The following TMEM67 variants were observed in gnomAD, a reference collection of about 807,000 sequenced individuals.
TMEM67 encodes transmembrane protein 67, also known as meckelin.
A neutral mutation model predicts 136.6 loss-of-function variants in TMEM67; 124 were observed. The observed-to-expected ratio is 0.91, with a 90% CI of 0.78 to 1.05. The LOEUF (loss-of-function observed/expected upper bound fraction) is 1.05, where lower values mean the gene tolerates loss of function less well. TMEM67 is among the 50% of genes least tolerant of loss of function. The pLI, the probability that TMEM67 is intolerant of heterozygous loss-of-function variation, is 0.00. For synonymous variants in TMEM67, 364 were observed against 390.5 expected (o/e 0.93, Z 0.80); for missense variants, 1,107 against 1,178.4 (o/e 0.94, Z 0.89).
intron 1 of TMEM67, among the ~76,000 whole-genome samples, chr8:93,755,339 T>C: frequency 6.6e-6 from 1 of 152,228 alleles, no homozygotes; most frequent in East Asian, 1.9e-4. Flanking sequence ...GTATATTGTT[T>C]AGTGACGTAG....
chr8:93,779,147 G>T (rs897760961), intron 7 of TMEM67, among the ~76,000 whole-genome samples: 3 of 151,956 alleles, frequency 2.0e-5, no homozygotes, highest in African/African-American at 7.3e-5. Flanking sequence ...TGACCAAATC[G>T]GCTACTGAAG....
chr8:93,809,963 C>CTT, intron 26 of TMEM67, 76 bp downstream of exon 26: 1 of 746,490 alleles, frequency 1.3e-6, no homozygotes, highest in South Asian at 2.0e-5. Flanking sequence ...AGATATTTTT[C>CTT]TTTTTTTCTT....
rs2130690833 is a variant in TMEM67, at chr8:93,786,265, TAGTGGATGCAGTA to T, written c.1338_1350del (p.Ala447GlufsTer5). 2 of 1,614,066 alleles carry T rather than the reference TAGTGGATGCAGTA, an allele frequency of 1.2e-6. No individual in the cohort carries two copies. Among genetic ancestry groups the T allele is most frequent in the Middle Eastern group, 1.6e-4 (1 of 6,062 alleles). On this transcript the variant is annotated frameshift_variant, in exon 13 of 28. Coordinates refer to ENST00000453321, the MANE Select transcript of TMEM67 (RefSeq NM_153704.6). LOFTEE classifies it high-confidence loss of function. ...TGGCTTCTAACTCGGCGCATTTTCT[TAGTGGATGCAGTA>T]AGTGGACGAGAAAATGACTTAGGAA... is the stretch of plus-strand genomic sequence containing the variant.
chr8:93,783,613 G>A (rs192494262), intron 11 of TMEM67, among the ~76,000 whole-genome samples: 120 of 152,112 alleles, frequency 7.9e-4, no homozygotes, highest in Non-Finnish European at 1.1e-3. Flanking sequence ...GTATTAGTCC[G>A]TTCTCACGCT....
intron 26 of TMEM67, 84 bp downstream of exon 26, chr8:93,809,971 CTTT>C (rs375597348): frequency 5.0e-3 from 2,888 of 582,244 alleles, no homozygotes; most frequent in East Asian, 6.4e-3. Flanking sequence ...TTCTTTTTTT[CTTT>C]TTTTTTTTTT....
chr8:93,799,743 C>A lies in TMEM67; in HGVS notation c.2226C>A (p.Ala742=). 6.2e-7 allele frequency: 1 copy of A among 1,613,550 alleles called. No individual in the cohort carries two copies. Among genetic ancestry groups the A allele is most frequent in the Non-Finnish European group, 8.5e-7 (1 of 1,179,682 alleles). ...CAGTGTCTGCTGCTCTTTGGCTAGCCATTGGAATTATACAGGTAAGGAATT... is the reference window on the plus strand; with the variant it reads ...CAGTGTCTGCTGCTCTTTGGCTAGCAATTGGAATTATACAGGTAAGGAATT... ...RYAVSAALWL[A]IGIIQVVFFA... The change falls in exon 21 of 28, where the codon GCC becomes GCA. Residue 742 remains alanine (A), a synonymous_variant. Transcript: ENST00000453321.
chr8:93,775,915 T>C (rs1022283617), intron 7 of TMEM67, among the ~76,000 whole-genome samples: 1 of 152,218 alleles, frequency 6.6e-6, no homozygotes, highest in Admixed American at 6.5e-5. Flanking sequence ...TTGATGGGGA[T>C]GGCATTGAAT....
rs184632089 is a variant in TMEM67, at chr8:93,793,284, G to A, written c.1662G>A (p.Met554Ile). The change falls in exon 16 of 28, where the codon ATG becomes ATA. Residue 554 changes from methionine to isoleucine, a missense_variant. Met to Ile is a conservative substitution (Grantham distance 10, BLOSUM62 1). Around this residue, in one of 3 missense-constraint regions of TMEM67, gnomAD observed 925 missense variants for 1,002.4 expected, o/e 0.92. Transcript: ENST00000453321. ...GGAAGAGGCGCATTGGGAGTCCCAT[G>A]ATTGATTTACAGGTATAATCTCAGG... ...AGWKRRIGSP[M>I]IDLQTVVKFL... 4.3e-6 allele frequency: 7 copies of A among 1,613,486 alleles called. No individual in the cohort carries two copies. In the Admixed American group the frequency reaches 1.2e-4, roughly 27 times the overall value.
Position 93,795,976 on chromosome 8 carries a change from T to C in TMEM67, c.1849T>C (p.Phe617Leu), listed in dbSNP as rs1814598026. 6.2e-7 allele frequency: 1 copy of C among 1,612,568 alleles called. No homozygotes were observed. The highest frequency in any genetic ancestry group is 8.5e-7 in the Non-Finnish European group (1 of 1,178,624). ...TTTTGTCACTTATGTTGGATGTGCC[T>C]TTGCTCTGAAGGTAAGTTTTAAAGG... Reference protein sequence around the residue: ...ERFVTYVGCAFALKALQFLHK... With the variant: ...ERFVTYVGCALALKALQFLHK... Residue 617 changes from phenylalanine to leucine, a missense_variant, in exon 18 of 28, where the codon TTT becomes CTT. Physicochemically the swap from Phe to Leu is conservative, Grantham distance 22. This residue lies in a region of TMEM67 where 925 missense variants were observed against 1,002.4 expected (regional missense o/e 0.92). Transcript: ENST00000453321.
intron 22 of TMEM67, among the ~76,000 whole-genome samples, 179 bp downstream of exon 22, chr8:93,803,863 GTTTTTTCA>G (rs1416433241): frequency 6.6e-6 from 1 of 150,984 alleles, no homozygotes; most frequent in Non-Finnish European, 1.5e-5. Flanking sequence ...AACTGCCTTA[GTTTTTTCA>G]TTTTTTCATT....
intron 12 of TMEM67, 143 bp from the exon 13 acceptor site, chr8:93,786,080 A>C (rs58733404): frequency 1.3e-6 from 1 of 753,822 alleles, no homozygotes; most frequent in Non-Finnish European, 2.2e-6. Context: ...TCTAAAAAAA[A>C]CAAAAGAAGA....
Position 93,763,940 on chromosome 8 carries a change from A to C in TMEM67, c.505A>C (p.Arg169=), listed in dbSNP as rs1271054406. 6.2e-7 allele frequency: 1 copy of C among 1,601,754 alleles called. No individual in the cohort carries two copies. Among genetic ancestry groups the C allele is most frequent in the Non-Finnish European group, 8.6e-7 (1 of 1,168,984 alleles). ...TATGGTAGTAAATGCTTTAGGAGAC[A>C]GGTAAGCAGTGTGATGGGGGCTAAC... ...SFMVVNALGD[R]CVRCEPTFVN... Residue 169 remains arginine (R), a splice_region_variant and synonymous_variant, in exon 4 of 28, where the codon AGG becomes CGG. Transcript: ENST00000453321.
chr8:93,792,834 G>C (rs1379901624), intron 15 of TMEM67, among the ~76,000 whole-genome samples: 1 of 147,702 alleles, frequency 6.8e-6, no homozygotes, highest in African/African-American at 2.5e-5. Flanking sequence ...GCAGTGGCGC[G>C]ATCTTGGTGG....
chr8:93,786,442 TG>T, intron 13 of TMEM67, 96 bp downstream of exon 13: 2 of 1,391,094 alleles, frequency 1.4e-6, no homozygotes, highest in Non-Finnish European at 2.0e-6. Context: ...ACAACTGAAT[TG>T]GAACAGTTGG....
chr8:93,831,796 C>G, the TMEM67 span, among the ~76,000 whole-genome samples: 2 of 152,154 alleles, frequency 1.3e-5, no homozygotes, highest in African/African-American at 2.4e-5. Flanking sequence ...GTCACCTCCC[C>G]CTCTGAATGG....
intron 6 of TMEM67, among the ~76,000 whole-genome samples, chr8:93,769,189 C>T (rs59483634): frequency 1.4e-3 from 212 of 152,210 alleles, no homozygotes; most frequent in African/African-American, 4.8e-3. Flanking sequence ...CTGATGGGCT[C>T]GTGGGGCAGC....
intron 16 of TMEM67, among the ~76,000 whole-genome samples, 159 bp downstream of exon 16, chr8:93,793,455 C>T (rs529725647): frequency 1.3e-5 from 2 of 152,198 alleles, no homozygotes; most frequent in African/African-American, 4.8e-5. Context: ...ATATGTGTAC[C>T]TCATTTTCTT....
chr8:93,795,818 A>G, intron 17 of TMEM67, 83 bp from the exon 18 acceptor site: 4 of 1,201,304 alleles, frequency 3.3e-6, no homozygotes, highest in Middle Eastern at 3.9e-4. Context: ...TCCCAAAAAA[A>G]AACAAAAACG....
intron 8 of TMEM67, 32 bp downstream of exon 8, chr8:93,780,779 TTGAC>T: frequency 1.9e-6 from 3 of 1,612,562 alleles, no homozygotes; most frequent in Non-Finnish European, 2.5e-6. Context: ...AAATGTTATT[TTGAC>T]TGAATTCAGT....
Sources: allele counts gnomAD v4.1 joint callset (sites outside exome capture counted in the v4.1 genomes callset), GRCh38; gene constraint gnomAD v4.1.1; regional missense constraint gnomAD v4.1.1; transcripts MANE v1.5; gene names NCBI Gene and HGNC (gene_info 2026-07-23, HGNC 2026-07-21).